The following PPP2R5E variants were observed in gnomAD, a reference collection of about 807,000 sequenced individuals.
PPP2R5E encodes the protein protein phosphatase 2 regulatory subunit B'epsilon, also known as serine/threonine-protein phosphatase 2A 56 kDa regulatory subunit epsilon isoform.
PPP2R5E carries 4 observed loss-of-function variants against 65.3 expected under a neutral mutation model. That is an observed-to-expected ratio of 0.06 (90% CI 0.03 to 0.14). The LOEUF (loss-of-function observed/expected upper bound fraction) is 0.14, where lower values mean the gene tolerates loss of function less well. PPP2R5E is among the 10% of genes least tolerant of loss of function. The pLI, the probability that PPP2R5E is intolerant of heterozygous loss-of-function variation, is 1.00. For synonymous variants in PPP2R5E, 183 were observed against 187.4 expected, an observed-to-expected ratio of 0.98 and a Z score of 0.19; for missense variants, 274 against 556.1, an observed-to-expected ratio of 0.49 and a Z score of 5.10.
intron 2 of PPP2R5E, among the ~76,000 whole-genome samples, chr14:63,522,300 C>G (rs1417000525): frequency 6.6e-6 from 1 of 151,924 alleles, no homozygotes; most frequent in Non-Finnish European, 1.5e-5. Context: ...GCTACAACCT[C>G]CACCTCCCAG....
At chr14:63,404,777 A>G (rs1885971971) in intron 5 of PPP2R5E, among the ~76,000 whole-genome samples, 1 of 152,152 alleles carries the variant, frequency 6.6e-6, no homozygotes. Flanking sequence ...AAAGAAGTCC[A>G]TTTTTTTCCC....
intron 1 of PPP2R5E, among the ~76,000 whole-genome samples, chr14:63,541,412 C>A (rs368633840): frequency 6.6e-6 from 1 of 152,202 alleles, no homozygotes; most frequent in South Asian, 2.1e-4. Flanking sequence ...ATCAAACTTA[C>A]GGAACTGAAT....
intron 2 of PPP2R5E, among the ~76,000 whole-genome samples, chr14:63,522,627 C>A (rs1892976726): frequency 6.7e-6 from 1 of 148,966 alleles, no homozygotes; most frequent in East Asian, 2.0e-4. Flanking sequence ...GCGCCTCTAC[C>A]CGTCCGCGAC....
intron 2 of PPP2R5E, among the ~76,000 whole-genome samples, chr14:63,514,058 T>C (rs968581382): frequency 6.6e-6 from 1 of 152,184 alleles, no homozygotes; most frequent in Admixed American, 6.5e-5. Flanking sequence ...CAAATGTCTG[T>C]CCAGTCTAAG....
chr14:63,377,287 T>C (rs1442317301), intron 13 of PPP2R5E, among the ~76,000 whole-genome samples: 3 of 152,242 alleles, frequency 2.0e-5, no homozygotes, highest in Non-Finnish European at 2.9e-5. Context: ...TTAGCAAGGA[T>C]TAAAACTTCA....
Position 63,393,834 on chromosome 14 carries a change from G to C in PPP2R5E, c.835C>G (p.Leu279Val). The C allele has an allele frequency of 6.3e-7, 1 of 1,596,006 alleles. No individual in the cohort carries two copies. Among genetic ancestry groups the C allele is most frequent in the African/African-American group, 1.3e-5 (1 of 74,572 alleles). ...AATCCTCCTACCTGTGCATGGAAGA[G>C]TGATAAGCTCCTGACAGTGTGTAAA... ...IPLHTVRSLS[L>V]FHAQLAYCIV... Residue 279 changes from leucine (L) to valine (V), a missense_variant, in exon 8 of 14, where the codon CTC becomes GTC. By Grantham distance (32) the Leu-to-Val change is conservative (BLOSUM62 1). Around this residue, in one of 6 missense-constraint regions of PPP2R5E, gnomAD observed 129 missense variants for 254.9 expected, o/e 0.51. Transcript: ENST00000337537.
chr14:63,430,641 TAGAA>T (rs1480226047), intron 3 of PPP2R5E, among the ~76,000 whole-genome samples: 2 of 152,106 alleles, frequency 1.3e-5, no homozygotes, highest in Non-Finnish European at 2.9e-5. Context: ...TAAATAAACA[TAGAA>T]AGATCTCAAA....
chr14:63,497,903 A>G (rs1285250504), intron 2 of PPP2R5E, among the ~76,000 whole-genome samples: 1 of 152,216 alleles, frequency 6.6e-6, no homozygotes, highest in Non-Finnish European at 1.5e-5. Context: ...CGTTAGTGGC[A>G]TCACCTGGCA....
chr14:63,516,928 T>C (rs964284696), intron 2 of PPP2R5E, among the ~76,000 whole-genome samples: 4 of 152,214 alleles, frequency 2.6e-5, no homozygotes, highest in African/African-American at 9.6e-5. Flanking sequence ...TATAGTGATA[T>C]ATTGTTTTGC....
intron 2 of PPP2R5E, among the ~76,000 whole-genome samples, chr14:63,478,234 A>T (rs1890505802): frequency 6.6e-6 from 1 of 152,202 alleles, no homozygotes; most frequent in Non-Finnish European, 1.5e-5. Context: ...CCTCTTTTTG[A>T]GAACGGTGAA....
At chr14:63,529,687 T>TTAG (rs1190383835) in intron 2 of PPP2R5E, among the ~76,000 whole-genome samples, 1 of 152,106 alleles carries the variant, frequency 6.6e-6, no homozygotes, top group Admixed American at 6.6e-5. Flanking sequence ...GAAAGACTGT[T>TTAG]TTCTAAAGTC....
chr14:63,438,051 T>C (rs2139421471), intron 3 of PPP2R5E, among the ~76,000 whole-genome samples: 1 of 152,314 alleles, frequency 6.6e-6, no homozygotes, highest in East Asian at 1.9e-4. Context: ...AGTCACTGAA[T>C]AGCATATTTC....
At chr14:63,406,776 G>C (rs931701683) in intron 5 of PPP2R5E, among the ~76,000 whole-genome samples, 1 of 152,206 alleles carries the variant, frequency 6.6e-6, no homozygotes, top group Non-Finnish European at 1.5e-5. Flanking sequence ...GAACTGAAGA[G>C]AATCCAGAGA....
intron 10 of PPP2R5E, among the ~76,000 whole-genome samples, chr14:63,390,272 T>C (rs1166596987): frequency 6.7e-6 from 1 of 148,404 alleles, no homozygotes. Context: ...TTCAAACCCA[T>C]AAGCATGCAC....
At chr14:63,487,923 T>TA (rs1891074628) in intron 2 of PPP2R5E, among the ~76,000 whole-genome samples, 1 of 152,202 alleles carries the variant, frequency 6.6e-6, no homozygotes, top group African/African-American at 2.4e-5. Context: ...TTCCTCTTCT[T>TA]TATTTGTCTT....
intron 2 of PPP2R5E, among the ~76,000 whole-genome samples, chr14:63,481,466 A>G (rs1364374388): frequency 6.7e-6 from 1 of 148,698 alleles, no homozygotes; most frequent in African/African-American, 2.5e-5. Flanking sequence ...ACTGCACTCC[A>G]GCCTGGGCGA....
intron 2 of PPP2R5E, among the ~76,000 whole-genome samples, chr14:63,493,975 C>A (rs564162437): frequency 6.6e-6 from 1 of 152,102 alleles, no homozygotes; most frequent in East Asian, 1.9e-4. Context: ...AAATACTCTA[C>A]TAGAAATGTA....
chr14:63,453,931 G>A, intron 2 of PPP2R5E, 46 bp from the exon 3 acceptor site: 1 of 1,343,230 alleles, frequency 7.4e-7, no homozygotes, highest in South Asian at 1.9e-5. Context: ...TCAATTTCCA[G>A]GTAACAGGAA....
chr14:63,389,149 T>C lies in PPP2R5E; in HGVS notation c.1074+463A>G, dbSNP rs150979113. ...AAGCCTCATTTTTTTTTTTTTTTCATCTAGAAAAGCTTCAGAGGATAATGG... is the reference window on the plus strand; with the variant it reads ...AAGCCTCATTTTTTTTTTTTTTTCACCTAGAAAAGCTTCAGAGGATAATGG... On this transcript the variant is annotated intron_variant, in intron 11 of 13. Transcript: ENST00000337537. 6.9e-4 allele frequency among the ~76,000 whole-genome samples: 105 copies of C among 151,336 alleles called. No individual in the cohort carries two copies. The East Asian group carries it at 0.019, about 27-fold the overall frequency.
Sources: allele counts gnomAD v4.1 joint callset (sites outside exome capture counted in the v4.1 genomes callset), GRCh38; gene constraint gnomAD v4.1.1; regional missense constraint gnomAD v4.1.1; transcripts MANE v1.5; gene names NCBI Gene and HGNC (gene_info 2026-07-23, HGNC 2026-07-21).